ILDR1: variants seen among roughly 807,000 people sequenced by gnomAD.
ILDR1 encodes immunoglobulin-like domain-containing receptor 1.
Under a neutral mutation model 62.4 loss-of-function variants are expected in ILDR1, and 56 were observed. The ratio of observed to expected loss-of-function variants is 0.90; its 90% CI spans 0.72 to 1.12. The LOEUF is 1.12. Among genes scored for constraint, ILDR1 ranks in the 50% most tolerant of loss-of-function variants. ILDR1 has a pLI of 0.00. For synonymous variants in ILDR1, 284 were observed against 277.8 expected (o/e 1.02, Z -0.22); for missense variants, 736 against 710.6 (o/e 1.04, Z -0.41).
chr3:122,001,537 A>T, intron 4 of ILDR1, 83 bp from the exon 5 acceptor site: 1 of 1,537,450 alleles, frequency 6.5e-7, no homozygotes, highest in Non-Finnish European at 9.0e-7. Context: ...TAGAGGTCTC[A>T]TAAACACAGC....
At position 122,005,264 on chromosome 3, in the gene ILDR1, C is replaced by A. The variant is rs371010612; in HGVS notation, c.359G>T (p.Arg120Leu). The A allele has an allele frequency of 1.0e-5, 16 of 1,544,630 alleles. No homozygotes were observed. Among genetic ancestry groups the A allele is most frequent in the Non-Finnish European group, 1.4e-5 (16 of 1,139,642 alleles). The change falls in exon 3 of 8, where the codon CGC (arginine) becomes CTC (leucine). Residue 120 changes from arginine to leucine, a missense_variant. Arg to Leu is a moderately radical substitution (Grantham distance 102). Coordinates refer to ENST00000344209, the MANE Select transcript of ILDR1 (RefSeq NM_001199799.2). Reference sequence around the variant, plus strand: ...CTCACGGTTCTGGATGGTGATCTTGCGCTGCCGGTAATCTACCCCCAGCAC... The same window carrying A: ...CTCACGGTTCTGGATGGTGATCTTGAGCTGCCGGTAATCTACCCCCAGCAC... ...EPVLGVDYRQ[R>L]KITIQNRADL...
chr3:122,028,853 T>G, the ILDR1 span, among the ~76,000 whole-genome samples: 1 of 152,206 alleles, frequency 6.6e-6, no homozygotes, highest in African/African-American at 2.4e-5. Context: ...CTTGTAGAAT[T>G]AAAGGTGTAT....
Position 121,987,913 on chromosome 3 carries a change from G to C in ILDR1, c.*454C>G, listed in dbSNP as rs768023200. 4.1e-6 allele frequency: 1 copy of C among 244,492 alleles called. No homozygotes were observed. The highest frequency in any genetic ancestry group is 5.2e-5 in the South Asian group (1 of 19,158). The allele number at this position is 244,492 out of a possible 1,614,324, so 15.1% of individuals were successfully genotyped here. On this transcript the variant is annotated 3_prime_UTR_variant, in exon 8 of 8. Transcript: ENST00000344209. ...TAACTTTTTTGTTTTTTGGCCTTTT[G>C]GGTTTTTTAGTAATGGGGACTTGCT...
At chr3:122,057,543 T>A in the ILDR1 span, among the ~76,000 whole-genome samples, 1 of 152,260 alleles carries the variant, frequency 6.6e-6, no homozygotes, top group Non-Finnish European at 1.5e-5. Context: ...AGGTAGTTTG[T>A]ATTTTCTACT....
At chr3:122,042,293 C>T in the ILDR1 span, among the ~76,000 whole-genome samples, 37 of 62,704 alleles carry the variant, frequency 5.9e-4, no homozygotes, top group African/African-American at 1.6e-3. Context: ...ATATGTGCCA[C>T]ATTTTCTTAA....
At chr3:122,044,800 TTC>T in the ILDR1 span, among the ~76,000 whole-genome samples, 24 of 152,176 alleles carry the variant, frequency 1.6e-4, no homozygotes, top group Admixed American at 1.6e-3. Context: ...TATTTGATTC[TTC>T]TCTCTTTTCT....
chr3:122,036,419 C>T, the ILDR1 span, among the ~76,000 whole-genome samples: 3 of 152,038 alleles, frequency 2.0e-5, no homozygotes, highest in African/African-American at 7.2e-5. Context: ...GAAACCCCAT[C>T]TCTACTAAAA....
At chr3:121,997,621 A>C (rs1468573975) in intron 5 of ILDR1, among the ~76,000 whole-genome samples, 1 of 152,178 alleles carries the variant, frequency 6.6e-6, no homozygotes, top group African/African-American at 2.4e-5. Context: ...GGCTGTAACA[A>C]GTAATTGTGG....
At chr3:122,058,905 A>C in the ILDR1 span, among the ~76,000 whole-genome samples, 4 of 152,208 alleles carry the variant, frequency 2.6e-5, no homozygotes, top group South Asian at 8.3e-4. Context: ...GGATGCATTT[A>C]AGAGATATTT....
the ILDR1 span, among the ~76,000 whole-genome samples, chr3:122,031,743 G>A: frequency 6.6e-6 from 1 of 152,134 alleles, no homozygotes; most frequent in South Asian, 2.1e-4. Context: ...CCAGAATCTT[G>A]ATCTTGGACT....
chr3:122,050,758 T>C, the ILDR1 span, among the ~76,000 whole-genome samples: 1 of 152,174 alleles, frequency 6.6e-6, no homozygotes, highest in Non-Finnish European at 1.5e-5. Flanking sequence ...TTTCATGTTT[T>C]TGTATTGCTG....
At chr3:122,027,709 A>G in the ILDR1 span, among the ~76,000 whole-genome samples, 1 of 152,362 alleles carries the variant, frequency 6.6e-6, no homozygotes, top group East Asian at 1.9e-4. Context: ...AAGAAGAAGA[A>G]AGAGATAATT....
rs370886914 is a variant in ILDR1 at position 121,993,828 on chromosome 3, T to C, written c.921A>G (p.Lys307=). The stretch of plus-strand genomic sequence containing the variant: ...TGCTGCAGGGATGGCCAAATCTGCC[T>C]TTGAGGTCAGGGGGCAGAGGCTGGG... The part of the protein sequence containing the change: ...NLAQPLPPDL[K]GRFGHPCSML... The change falls in exon 7 of 8, where the codon AAA becomes AAG. Residue 307 remains lysine (K), a synonymous_variant. Coordinates refer to ENST00000344209, the MANE Select transcript of ILDR1 (RefSeq NM_001199799.2). 184 of 1,613,956 alleles carry C rather than the reference T, an allele frequency of 1.1e-4. No homozygotes were observed. The highest frequency in any genetic ancestry group is 1.3e-4 in the Non-Finnish European group (153 of 1,180,014).
the ILDR1 span, among the ~76,000 whole-genome samples, chr3:122,034,640 G>T: frequency 5.5e-5 from 6 of 109,050 alleles, no homozygotes; most frequent in African/African-American, 1.7e-4. Context: ...CAGGTTTTTT[G>T]TTGTTGTTGT....
At chr3:122,047,351 A>G in the ILDR1 span, among the ~76,000 whole-genome samples, 2 of 152,214 alleles carry the variant, frequency 1.3e-5, no homozygotes, top group African/African-American at 2.4e-5. Flanking sequence ...TTAAGTCTGC[A>G]GAGGTTACTG....
chr3:122,047,928 T>G, the ILDR1 span, among the ~76,000 whole-genome samples: 1 of 152,244 alleles, frequency 6.6e-6, no homozygotes, highest in East Asian at 1.9e-4. Flanking sequence ...TCGGCCATCT[T>G]GGCTCCTCCC....
At chr3:122,001,236 A>C in intron 5 of ILDR1, 72 bp downstream of exon 5, 1 of 1,546,812 alleles carries the variant, frequency 6.5e-7, no homozygotes, top group East Asian at 2.2e-5. Flanking sequence ...TTGACCTGGC[A>C]CTTGAAGCTG....
intron 1 of ILDR1, among the ~76,000 whole-genome samples, chr3:122,014,639 T>C (rs1244003404): frequency 6.6e-6 from 1 of 152,196 alleles, no homozygotes; most frequent in Non-Finnish European, 1.5e-5. Context: ...TCAAAGTGAG[T>C]TAAAGGGAAT....
chr3:122,020,213 C>T (rs2071835830), intron 1 of ILDR1, among the ~76,000 whole-genome samples: 1 of 152,224 alleles, frequency 6.6e-6, no homozygotes, highest in South Asian at 2.1e-4. Context: ...ATTGATTAAG[C>T]TTTCCCTCAC....
Sources: gnomAD v4.1 joint callset for allele counts (sites outside exome capture counted in the v4.1 genomes callset) on GRCh38, gnomAD v4.1.1 for gene constraint, MANE v1.5 for transcripts, NCBI Gene and HGNC (gene_info 2026-07-23, HGNC 2026-07-21) for gene names.